The following ZNF385D variants were observed in gnomAD, a reference collection of about 807,000 sequenced individuals.
The protein encoded by ZNF385D is zinc finger protein 659.
ZNF385D carries 15 observed loss-of-function variants against 35.8 expected under a neutral mutation model. The ratio of observed to expected loss-of-function variants is 0.42; its 90% CI spans 0.28 to 0.64. ZNF385D has a LOEUF of 0.64. ZNF385D is among the 30% of genes least tolerant of loss of function. The probability of loss-of-function intolerance (pLI) is 0.23; values close to 1 mark genes in which losing one functional copy is unlikely to be tolerated. For synonymous variants in ZNF385D, 212 were observed against 186.8 expected (o/e 1.13, Z -1.10); for missense variants, 474 against 494.6 (o/e 0.96, Z 0.39).
At chr3:22,157,540 G>C (rs929067709) in intron 3 of ZNF385D, among the ~76,000 whole-genome samples, 17 of 151,952 alleles carry the variant, frequency 1.1e-4, no homozygotes, top group African/African-American at 4.1e-4. Flanking sequence ...TACAGGAAGT[G>C]TTTATTAAGT....
rs536162220 is a variant in ZNF385D at position 22,031,544 on chromosome 3, G to A, written c.325+137273C>T. The stretch of plus-strand genomic sequence containing the variant: ...CCACGGCTGGAGTTGGAGCGGCTGA[G>A]ATGCAGGGCACCAAGTCCTGAGTCT... On this transcript the variant is annotated intron_variant, in intron 3 of 5. Transcript: ENST00000494108. Among the ~76,000 whole-genome samples the A allele has an allele frequency of 1.4e-4, 21 of 152,328 alleles. No homozygotes were observed. In the East Asian group the frequency reaches 3.9e-3, roughly 28 times the overall value.
intron 3 of ZNF385D, among the ~76,000 whole-genome samples, chr3:21,982,097 T>A (rs1041889622): frequency 9.4e-5 from 13 of 138,174 alleles, no homozygotes; most frequent in Non-Finnish European, 1.6e-4. Flanking sequence ...TTTTTTTTTT[T>A]AATTCTGTGA....
At chr3:22,179,389 T>C (rs1695062548) in intron 2 of ZNF385D, among the ~76,000 whole-genome samples, 2 of 152,278 alleles carry the variant, frequency 1.3e-5, no homozygotes, top group Non-Finnish European at 2.9e-5. Context: ...CTCTTGTGTG[T>C]CTGTTATTGG....
intron 2 of ZNF385D, among the ~76,000 whole-genome samples, chr3:22,272,185 G>A (rs1359647804): frequency 1.3e-5 from 2 of 152,014 alleles, no homozygotes; most frequent in Non-Finnish European, 2.9e-5. Flanking sequence ...TAATAACGAC[G>A]CCACGAGGGC....
At chr3:21,923,087 G>C (rs1289507952) in intron 3 of ZNF385D, among the ~76,000 whole-genome samples, 1 of 152,192 alleles carries the variant, frequency 6.6e-6, no homozygotes, top group East Asian at 1.9e-4. Flanking sequence ...ACAACATGCA[G>C]GTTTGTTACA....
At chr3:21,557,769 C>T (rs969165167) in intron 3 of ZNF385D, among the ~76,000 whole-genome samples, 2 of 152,176 alleles carry the variant, frequency 1.3e-5, no homozygotes, top group African/African-American at 4.8e-5. Context: ...TGGTAGAATT[C>T]GTCTGTGAAT....
At chr3:22,272,714 T>G (rs1470637986) in intron 2 of ZNF385D, among the ~76,000 whole-genome samples, 1 of 152,066 alleles carries the variant, frequency 6.6e-6, no homozygotes, top group East Asian at 1.9e-4. Context: ...TTGGTATATT[T>G]GTTTTCCTTA....
chr3:21,848,111 A>G (rs1034159453), intron 3 of ZNF385D, among the ~76,000 whole-genome samples: 1 of 151,992 alleles, frequency 6.6e-6, no homozygotes. Flanking sequence ...ACTTAGCCCA[A>G]TTGACTTATT....
chr3:21,463,813 G>A (rs1703333916), intron 4 of ZNF385D, among the ~76,000 whole-genome samples: 1 of 151,998 alleles, frequency 6.6e-6, no homozygotes, highest in African/African-American at 2.4e-5. Flanking sequence ...AGAGCTGAAT[G>A]TTTACAGTTC....
intron 3 of ZNF385D, among the ~76,000 whole-genome samples, chr3:21,839,554 G>C (rs1005255243): frequency 1.3e-5 from 2 of 152,098 alleles, no homozygotes; most frequent in Non-Finnish European, 1.5e-5. Context: ...TTAGGCAAGA[G>C]AGGCTAGCTT....
chr3:21,446,231 A>G (rs1433177124), intron 4 of ZNF385D, among the ~76,000 whole-genome samples: 1 of 152,156 alleles, frequency 6.6e-6, no homozygotes, highest in Non-Finnish European at 1.5e-5. Context: ...TCCGGTTTAG[A>G]TTAACTGGTC....
At chr3:21,867,503 G>A (rs900312314) in intron 3 of ZNF385D, among the ~76,000 whole-genome samples, 3 of 152,102 alleles carry the variant, frequency 2.0e-5, no homozygotes, top group African/African-American at 7.2e-5. Flanking sequence ...TACCTGTGAG[G>A]AGTGCAGTAA....
intron 3 of ZNF385D, among the ~76,000 whole-genome samples, chr3:21,976,168 C>G (rs1191408291): frequency 6.6e-6 from 1 of 152,062 alleles, no homozygotes; most frequent in Non-Finnish European, 1.5e-5. Context: ...AGTGATATAC[C>G]TCTTCTTGGC....
chr3:21,857,460 G>A (rs985825312), intron 3 of ZNF385D, among the ~76,000 whole-genome samples: 1 of 151,946 alleles, frequency 6.6e-6, no homozygotes, highest in Non-Finnish European at 1.5e-5. Flanking sequence ...GTTCCTACAG[G>A]GAGTACACAG....
At chr3:22,045,982 T>A (rs259462) in intron 3 of ZNF385D, among the ~76,000 whole-genome samples, 35,893 of 151,678 alleles carry the variant, frequency 0.24, 5,176 homozygotes, top group Middle Eastern at 0.34. Flanking sequence ...GGAAGAAAAA[T>A]AATGAGGGAG....
intron 3 of ZNF385D, among the ~76,000 whole-genome samples, chr3:22,030,299 A>ATGTATG (rs1457368726): frequency 1.7e-5 from 2 of 114,754 alleles, no homozygotes; most frequent in South Asian, 2.9e-4. Flanking sequence ...ATATATATAT[A>ATGTATG]TATCCTATTT....
chr3:21,688,473 C>G (rs1377981254), intron 1 of ZNF385D, among the ~76,000 whole-genome samples: 1 of 152,034 alleles, frequency 6.6e-6, no homozygotes, highest in African/African-American at 2.4e-5. Flanking sequence ...ATCATGAATA[C>G]TATGAGACAC....
chr3:22,188,983 G>A (rs191726620), intron 2 of ZNF385D, among the ~76,000 whole-genome samples: 1 of 152,090 alleles, frequency 6.6e-6, no homozygotes, highest in Non-Finnish European at 1.5e-5. Flanking sequence ...CGCTGATTTA[G>A]AGCAAGTTCT....
At chr3:21,935,946 T>C (rs1228426680) in intron 3 of ZNF385D, among the ~76,000 whole-genome samples, 1 of 152,086 alleles carries the variant, frequency 6.6e-6, no homozygotes, top group African/African-American at 2.4e-5. Context: ...AATGTTGAGT[T>C]TGAGGTGTCC....
Sources: gnomAD v4.1 joint callset for allele counts (sites outside exome capture counted in the v4.1 genomes callset) on GRCh38, gnomAD v4.1.1 for gene constraint, MANE v1.5 for transcripts, NCBI Gene and HGNC (gene_info 2026-07-23, HGNC 2026-07-21) for gene names.